Variants in SNRK observed in about 807,000 individuals in gnomAD.
SNRK encodes SNF related kinase.
A neutral mutation model predicts 48.2 loss-of-function variants in SNRK; 3 were observed. The observed-to-expected ratio is 0.06, with a 90% confidence interval of 0.03 to 0.16. The LOEUF is 0.16. Ranked by LOEUF, SNRK falls within the 10% of genes least tolerant of loss-of-function variation. The pLI is 1.00. For synonymous variants in SNRK, 376 were observed against 366.1 expected (o/e 1.03, Z -0.31); for missense variants, 627 against 976.0 (o/e 0.64, Z 4.76).
intron 3 of SNRK, among the ~76,000 whole-genome samples, chr3:43,322,901 G>A (rs529122731): frequency 2.9e-5 from 4 of 138,510 alleles, no homozygotes; most frequent in South Asian, 2.2e-4. Context: ...ACAGTGAGCC[G>A]AGACCGTGCC....
rs775302047 is a variant in SNRK, at chr3:43,343,506, G to A, written c.1079+28G>A. The A allele has an allele frequency of 1.9e-6, 3 of 1,576,512 alleles. No homozygotes were observed. In the South Asian group the frequency reaches 3.4e-5, roughly 18 times the overall value. On this transcript the variant is annotated intron_variant, in intron 6 of 6. Coordinates refer to ENST00000296088, the MANE Select transcript of SNRK (RefSeq NM_017719.5). ...GAGAAAAAAATCTTCACTGATTTTA[G>A]TAAGTTTAACGTTTTGAAATAGCGA...
intron 1 of SNRK, among the ~76,000 whole-genome samples, chr3:43,293,181 A>G (rs2090826573): frequency 6.6e-6 from 1 of 151,404 alleles, no homozygotes. Flanking sequence ...TCGGCTCACT[A>G]CAGCATGGAT....
At chr3:43,343,623 C>A in intron 6 of SNRK, 145 bp downstream of exon 6, 1 of 882,454 alleles carries the variant, frequency 1.1e-6, no homozygotes, top group Non-Finnish European at 1.7e-6. Context: ...CACACACGGG[C>A]TCTTCAGGTG....
At chr3:43,293,479 A>G (rs1403728238) in intron 1 of SNRK, among the ~76,000 whole-genome samples, 4 of 152,226 alleles carry the variant, frequency 2.6e-5, no homozygotes, top group African/African-American at 9.6e-5. Flanking sequence ...TTCCTGGAGT[A>G]TGAAAGCAGC....
In SNRK at chr3:43,299,776, C is replaced by T. The variant is rs1463411878; in HGVS notation, c.-146C>T. 1 of 152,590 alleles carries T rather than the reference C, an allele frequency of 6.6e-6. No individual in the cohort carries two copies. Among genetic ancestry groups the T allele is most frequent in the Non-Finnish European group, 1.5e-5 (1 of 68,034 alleles). The allele number at this position is 152,590 out of a possible 1,614,324, so 9.5% of individuals were successfully genotyped here. On this transcript the variant is annotated 5_prime_UTR_variant, in exon 2 of 7. Transcript: ENST00000296088. ...TAGGAAAAAGAAGCAACTAACAAAA[C>T]ACTGTGATAATAAGGATTATTCAGT...
chr3:43,292,680 C>T (rs1176146529), intron 1 of SNRK, among the ~76,000 whole-genome samples: 1 of 152,160 alleles, frequency 6.6e-6, no homozygotes, highest in East Asian at 1.9e-4. Context: ...TACTTTGTTT[C>T]TTGTTTACCC....
rs2091299678 is a variant in SNRK at position 43,348,716 on chromosome 3, CT to C, written c.*162del. Reference sequence around the variant, plus strand: ...GCCTGATGATGTGACAATGCATGGTCTTTGTGCATGCTGCTAGACACTTTTC... The same window carrying C: ...GCCTGATGATGTGACAATGCATGGTCTTGTGCATGCTGCTAGACACTTTTC... On this transcript the variant is annotated 3_prime_UTR_variant, in exon 7 of 7. Coordinates refer to ENST00000296088, the MANE Select transcript of SNRK (RefSeq NM_017719.5). 5.8e-6 allele frequency: 4 copies of C among 695,214 alleles called. No individual in the cohort carries two copies. In the South Asian group the frequency reaches 1.5e-4, roughly 26 times the overall value. The allele number at this position is 695,214 out of a possible 1,614,324, so 43.1% of individuals were successfully genotyped here.
intron 3 of SNRK, among the ~76,000 whole-genome samples, chr3:43,322,522 T>C (rs1231260516): frequency 3.9e-5 from 6 of 152,130 alleles, no homozygotes; most frequent in Non-Finnish European, 2.9e-5. Context: ...TACAAATCAA[T>C]GACAAACTCC....
intron 3 of SNRK, among the ~76,000 whole-genome samples, chr3:43,311,926 G>A (rs1332987946): frequency 6.6e-6 from 1 of 152,026 alleles, no homozygotes; most frequent in East Asian, 1.9e-4. Flanking sequence ...TGGGAAAATT[G>A]TTTCTTAAAT....
intron 1 of SNRK, among the ~76,000 whole-genome samples, chr3:43,292,165 C>T (rs2090817539): frequency 6.6e-6 from 1 of 152,164 alleles, no homozygotes; most frequent in South Asian, 2.1e-4. Flanking sequence ...TTACTCGTTT[C>T]TGTATAAACC....
intron 3 of SNRK, among the ~76,000 whole-genome samples, chr3:43,329,485 T>A (rs2091129397): frequency 6.6e-6 from 1 of 152,138 alleles, no homozygotes; most frequent in African/African-American, 2.4e-5. Context: ...AAATGGCCCC[T>A]TGAATAATCA....
intron 1 of SNRK, among the ~76,000 whole-genome samples, chr3:43,287,775 C>T (rs2090777848): frequency 6.6e-6 from 1 of 152,302 alleles, no homozygotes; most frequent in Non-Finnish European, 1.5e-5. Context: ...CAGTCTTTAA[C>T]TTATCAGAAT....
At chr3:43,329,645 T>C (rs2091130850) in intron 3 of SNRK, among the ~76,000 whole-genome samples, 1 of 152,222 alleles carries the variant, frequency 6.6e-6, no homozygotes, top group Non-Finnish European at 1.5e-5. Flanking sequence ...CTTTTAGCAT[T>C]TCTATATTTA....
intron 4 of SNRK, among the ~76,000 whole-genome samples, chr3:43,333,668 AG>A: frequency 6.6e-6 from 1 of 152,300 alleles, no homozygotes; most frequent in South Asian, 2.1e-4. Flanking sequence ...TTGTAATTCA[AG>A]GAGTATTTCC....
In SNRK at chr3:43,348,529, G is replaced by C. The variant is rs1194193824; in HGVS notation, c.2270G>C (p.Ser757Thr). The change falls in exon 7 of 7, where the codon AGC (serine) becomes ACC (threonine). Residue 757 changes from serine to threonine, a missense_variant. Ser to Thr is a moderately conservative substitution (Grantham distance 58). This residue lies in a region of SNRK where 207 missense variants were observed against 234.3 expected (regional missense o/e 0.88). Coordinates refer to ENST00000296088, the MANE Select transcript of SNRK (RefSeq NM_017719.5). Reference sequence around the variant, plus strand: ...AAGGAGGGGCTGCTGTGCGCATCCAGCCCAGCCAGCTGTTGCCATGTCATC... The same window carrying C: ...AAGGAGGGGCTGCTGTGCGCATCCACCCCAGCCAGCTGTTGCCATGTCATC... ...NPKEGLLCAS[S>T]PASCCHVI is the part of the protein sequence containing the mutation. 6.5e-7 allele frequency: 1 copy of C among 1,544,884 alleles called. No homozygotes were observed. Among genetic ancestry groups the C allele is most frequent in the African/African-American group, 1.4e-5 (1 of 72,584 alleles).
At chr3:43,327,616 A>G (rs1438292945) in intron 3 of SNRK, among the ~76,000 whole-genome samples, 1 of 152,178 alleles carries the variant, frequency 6.6e-6, no homozygotes, top group African/African-American at 2.4e-5. Context: ...TAGATAATTC[A>G]GTTTAGAAAT....
At chr3:43,345,076 T>C (rs1184786813) in intron 6 of SNRK, among the ~76,000 whole-genome samples, 3 of 152,208 alleles carry the variant, frequency 2.0e-5, no homozygotes, top group South Asian at 2.1e-4. Flanking sequence ...CTGGGCAACA[T>C]AGACCCTGTC....
intron 3 of SNRK, among the ~76,000 whole-genome samples, chr3:43,311,971 C>G (rs1575541220): frequency 6.6e-6 from 1 of 152,030 alleles, no homozygotes; most frequent in East Asian, 1.9e-4. Context: ...TTGTAAAACC[C>G]TGACATTATT....
At position 43,347,608 on chromosome 3, in the gene SNRK, A is replaced by G; in HGVS notation, c.1349A>G (p.Glu450Gly). The change falls in exon 7 of 7, where the codon GAG (glutamate) becomes GGG (glycine). Residue 450 changes from glutamate (E) to glycine (G), a missense_variant. Transcript: ENST00000296088. This position sits in a 1 kb window ranked among gnomAD's most constrained non-coding sequence, Gnocchi z 5.4. ...KCLFRVEEDEEEDEEDKKPMS... is the reference protein window; with the variant it reads ...KCLFRVEEDEGEDEEDKKPMS... Reference sequence around the variant, plus strand: ...CTGTTCAGGGTGGAAGAAGATGAAGAGGAAGATGAGGAGGACAAGAAACCC... The same window carrying G: ...CTGTTCAGGGTGGAAGAAGATGAAGGGGAAGATGAGGAGGACAAGAAACCC... 1 of 1,614,012 alleles carries G rather than the reference A, an allele frequency of 6.2e-7. No individual in the cohort carries two copies. Among genetic ancestry groups the G allele is most frequent in the Non-Finnish European group, 8.5e-7 (1 of 1,180,012 alleles).
Sources: gnomAD v4.1 joint callset for allele counts (sites outside exome capture counted in the v4.1 genomes callset) on GRCh38, gnomAD v4.1.1 for gene constraint, gnomAD v4.1.1 regional missense constraint, Gnocchi (gnomAD v3.1) non-coding constraint, MANE v1.5 for transcripts, NCBI Gene and HGNC (gene_info 2026-07-23, HGNC 2026-07-21) for gene names.